KCNMA1: variants seen among roughly 807,000 people sequenced by gnomAD.
KCNMA1 encodes the protein potassium calcium-activated channel subfamily M alpha 1, also known as Calcium-activated potassium channel subunit alpha-1.
KCNMA1 carries 29 observed loss-of-function variants against 140.0 expected under a neutral mutation model. The observed-to-expected ratio is 0.21, with a 90% CI of 0.15 to 0.28. KCNMA1 has a LOEUF of 0.28. Ranked by LOEUF, KCNMA1 falls within the 10% of genes least tolerant of loss-of-function variation. The pLI is 1.00. For synonymous variants in KCNMA1, 612 were observed against 611.9 expected (o/e 1.00, Z 0.00); for missense variants, 880 against 1,602.2 (o/e 0.55, Z 7.70).
chr10:77,389,768 A>G (rs1227915619), intron 2 of KCNMA1, among the ~76,000 whole-genome samples: 7 of 152,160 alleles, frequency 4.6e-5, no homozygotes, highest in Admixed American at 3.3e-4. Flanking sequence ...GCCCATCTAC[A>G]TGCTTCTACC....
chr10:77,614,738 G>T (rs543469013), intron 1 of KCNMA1, among the ~76,000 whole-genome samples: 1 of 152,202 alleles, frequency 6.6e-6, no homozygotes, highest in East Asian at 1.9e-4. Flanking sequence ...CCAACCCCAT[G>T]CCCTTTCCAC....
chr10:76,971,336 G>T (rs2076025495), intron 19 of KCNMA1, among the ~76,000 whole-genome samples: 1 of 152,036 alleles, frequency 6.6e-6, no homozygotes, highest in Non-Finnish European at 1.5e-5. Flanking sequence ...CAGCTACTTG[G>T]TATTATCCAG....
At chr10:77,532,062 T>C (rs1162115533) in intron 1 of KCNMA1, among the ~76,000 whole-genome samples, 1 of 152,126 alleles carries the variant, frequency 6.6e-6, no homozygotes, top group Non-Finnish European at 1.5e-5. Flanking sequence ...AGAGGAAAAC[T>C]ACCCAGCTCA....
chr10:76,934,921 T>C (rs373702613), intron 23 of KCNMA1, among the ~76,000 whole-genome samples: 35 of 152,120 alleles, frequency 2.3e-4, no homozygotes, highest in Non-Finnish European at 1.5e-4. Context: ...AACCTGAAAA[T>C]GTTATTTAAG....
chr10:77,134,063 TA>T (rs2153996376), intron 5 of KCNMA1, among the ~76,000 whole-genome samples: 1 of 152,168 alleles, frequency 6.6e-6, no homozygotes, highest in Admixed American at 6.5e-5. Flanking sequence ...CCTCATACCA[TA>T]ATGGAAATAA....
chr10:77,179,326 A>C (rs1259051423), intron 5 of KCNMA1, among the ~76,000 whole-genome samples: 1 of 152,118 alleles, frequency 6.6e-6, no homozygotes, highest in Non-Finnish European at 1.5e-5. Flanking sequence ...GGTGTTCTTA[A>C]GCCCCAGTCT....
chr10:77,560,088 C>T (rs2154558692), intron 1 of KCNMA1, among the ~76,000 whole-genome samples: 1 of 152,022 alleles, frequency 6.6e-6, no homozygotes, highest in East Asian at 1.9e-4. Flanking sequence ...GAGGCTGAGG[C>T]AGGAGAATTA....
At chr10:77,261,456 C>T (rs748728598) in intron 2 of KCNMA1, among the ~76,000 whole-genome samples, 47 of 152,128 alleles carry the variant, frequency 3.1e-4, no homozygotes, top group Admixed American at 9.8e-4. Context: ...TCTGCAGGTT[C>T]GTGTTCCCCA....
intron 5 of KCNMA1, among the ~76,000 whole-genome samples, chr10:77,158,098 G>C (rs2098508898): frequency 6.6e-6 from 1 of 152,158 alleles, no homozygotes; most frequent in African/African-American, 2.4e-5. Context: ...AAATAATCAG[G>C]AATAAGTGGA....
intron 5 of KCNMA1, among the ~76,000 whole-genome samples, chr10:77,166,978 AG>A (rs2098649809): frequency 6.6e-6 from 1 of 152,138 alleles, no homozygotes; most frequent in African/African-American, 2.4e-5. Context: ...ATTCTTTTGT[AG>A]CTATTTTGAA....
At chr10:77,341,149 A>T (rs1284861006) in intron 2 of KCNMA1, among the ~76,000 whole-genome samples, 1 of 152,192 alleles carries the variant, frequency 6.6e-6, no homozygotes, top group African/African-American at 2.4e-5. Flanking sequence ...ACCGTTCTGT[A>T]TGTCCGTTGT....
chr10:77,097,973 C>A (rs2096978770), intron 9 of KCNMA1, among the ~76,000 whole-genome samples: 1 of 152,198 alleles, frequency 6.6e-6, no homozygotes, highest in Non-Finnish European at 1.5e-5. Context: ...AGAGGACAGA[C>A]AACTGGCAGC....
chr10:77,508,340 AT>A (rs58578775), intron 1 of KCNMA1, among the ~76,000 whole-genome samples: 1,563 of 131,612 alleles, frequency 0.012, 11 homozygotes, highest in Middle Eastern at 0.03. Context: ...ATGCCTGGCT[AT>A]TTTTTTTTTT....
At chr10:77,346,980 A>T (rs2092264967) in intron 2 of KCNMA1, among the ~76,000 whole-genome samples, 1 of 152,226 alleles carries the variant, frequency 6.6e-6, no homozygotes, top group Admixed American at 6.5e-5. Context: ...TCTAAAGAAG[A>T]GGAAGGGGGA....
chr10:77,443,789 A>G (rs2097461310), intron 1 of KCNMA1, among the ~76,000 whole-genome samples: 1 of 152,256 alleles, frequency 6.6e-6, no homozygotes, highest in African/African-American at 2.4e-5. Flanking sequence ...ATAAAGAAAT[A>G]CTGAATGCTA....
chr10:77,041,499 C>T (rs1311583905), intron 14 of KCNMA1, among the ~76,000 whole-genome samples: 2 of 151,530 alleles, frequency 1.3e-5, no homozygotes, highest in African/African-American at 4.9e-5. Flanking sequence ...CAGGGTTTCA[C>T]CATGTTGGCC....
intron 3 of KCNMA1, among the ~76,000 whole-genome samples, chr10:77,205,819 C>T (rs1022476270): frequency 1.3e-5 from 2 of 152,130 alleles, no homozygotes; most frequent in South Asian, 4.1e-4. Flanking sequence ...ATCAGGACGA[C>T]TTTTTAAAAG....
chr10:77,506,981 C>G (rs1246443254), intron 1 of KCNMA1, among the ~76,000 whole-genome samples: 3 of 152,046 alleles, frequency 2.0e-5, no homozygotes, highest in African/African-American at 7.2e-5. Flanking sequence ...GTGTTTGAAG[C>G]CCCTCCAGCC....
At chr10:77,318,972 G>A (rs567543428) in intron 2 of KCNMA1, among the ~76,000 whole-genome samples, 3 of 152,172 alleles carry the variant, frequency 2.0e-5, no homozygotes, top group Non-Finnish European at 4.4e-5. Context: ...AGGCAGAAGT[G>A]CATTTGTTTA....
Sources: gnomAD v4.1 joint callset for allele counts (sites outside exome capture counted in the v4.1 genomes callset) on GRCh38, gnomAD v4.1.1 for gene constraint, MANE v1.5 for transcripts, NCBI Gene and HGNC (gene_info 2026-07-23, HGNC 2026-07-21) for gene names.